The following KCNMA1 variants were observed in gnomAD, a reference collection of about 807,000 sequenced individuals.
The protein encoded by KCNMA1 is Calcium-activated potassium channel subunit alpha-1.
Under a neutral mutation model 140.0 loss-of-function variants are expected in KCNMA1, and 29 were observed. That is an observed-to-expected ratio of 0.21 (90% CI 0.15 to 0.28). The LOEUF (loss-of-function observed/expected upper bound fraction) is 0.28. Ranked by LOEUF, KCNMA1 falls within the 10% of genes least tolerant of loss-of-function variation. The pLI, the probability that KCNMA1 is intolerant of heterozygous loss-of-function variation, is 1.00. For missense variants in KCNMA1, 880 were observed against 1,602.2 expected, an observed-to-expected ratio of 0.55 and a Z score of 7.70; for synonymous variants, 612 against 611.9, an observed-to-expected ratio of 1.00 and a Z score of 0.00.
chr10:77,104,779 G>C (rs905174680), intron 9 of KCNMA1, among the ~76,000 whole-genome samples: 1 of 152,196 alleles, frequency 6.6e-6, no homozygotes, highest in Non-Finnish European at 1.5e-5. Context: ...GGAGTGGAAT[G>C]AATCACACTC....
At chr10:77,516,163 C>T (rs899049048) in intron 1 of KCNMA1, among the ~76,000 whole-genome samples, 1 of 152,068 alleles carries the variant, frequency 6.6e-6, no homozygotes, top group Non-Finnish European at 1.5e-5. Context: ...TTTAAGAAAT[C>T]CCCATCATGT....
intron 1 of KCNMA1, among the ~76,000 whole-genome samples, chr10:77,415,371 C>T (rs2096717938): frequency 6.6e-6 from 1 of 152,202 alleles, no homozygotes. Context: ...GTAGAGTCCT[C>T]AGCCAGGATG....
intron 17 of KCNMA1, 57 bp from the exon 18 acceptor site, chr10:77,012,100 G>A (rs527379761): frequency 8.7e-6 from 14 of 1,611,366 alleles, no homozygotes; most frequent in African/African-American, 6.7e-5. Context: ...AATGAAATGA[G>A]TACCACATTT....
intron 3 of KCNMA1, among the ~76,000 whole-genome samples, chr10:77,239,818 C>T (rs1437350919): frequency 6.6e-6 from 1 of 152,178 alleles, no homozygotes; most frequent in East Asian, 1.9e-4. Context: ...GAAGGGACGA[C>T]ACCGTAAGAA....
chr10:76,969,872 G>T, intron 20 of KCNMA1, 102 bp downstream of exon 20: 1 of 881,988 alleles, frequency 1.1e-6, no homozygotes, highest in Admixed American at 1.8e-5. Flanking sequence ...CCCCGGGCTT[G>T]CTGGGGAGGG....
rs76745716 is a variant in KCNMA1, at chr10:77,110,373, G to C, written c.961-30C>G. ...AGCAAATGGGACAGGGGAGAAAAAA[G>C]AAAAACATGCTATTGAAGTGTATAC... On this transcript the variant is annotated intron_variant, in intron 7 of 27. Coordinates refer to ENST00000286628, the MANE Select transcript of KCNMA1 (RefSeq NM_001161352.2). 8.0e-4 allele frequency: 1,275 copies of C among 1,590,508 alleles called. 15 individuals carry two copies. The African/African-American group carries it at 0.016, about 20-fold the overall frequency.
intron 3 of KCNMA1, among the ~76,000 whole-genome samples, chr10:77,228,639 A>G (rs1030080079): frequency 4.6e-5 from 7 of 152,230 alleles, no homozygotes; most frequent in African/African-American, 1.4e-4. Flanking sequence ...ACAAATATCA[A>G]TTTGAAGGCA....
chr10:76,932,850 A>C (rs920656065), intron 23 of KCNMA1, among the ~76,000 whole-genome samples: 3 of 152,198 alleles, frequency 2.0e-5, no homozygotes, highest in African/African-American at 7.2e-5. Flanking sequence ...ATGGCCAGGG[A>C]AGCTCTCAGG....
rs371192247 is a variant in KCNMA1, at chr10:77,504,431, C to A, written c.379-100408G>T. 2.4e-4 allele frequency among the ~76,000 whole-genome samples: 36 copies of A among 152,172 alleles called. No homozygotes were observed. In the South Asian group the frequency reaches 7.5e-3, roughly 32 times the overall value. On this transcript the variant is annotated intron_variant, in intron 1 of 27. Coordinates refer to ENST00000286628, the MANE Select transcript of KCNMA1 (RefSeq NM_001161352.2). ...GGGAACCGAGCAACCGAGAGGGGTG[C>A]CAGACTAGCCCAGATCCTTGCAAAC...
chr10:77,316,858 G>A (rs534171071), intron 2 of KCNMA1, among the ~76,000 whole-genome samples: 79 of 152,274 alleles, frequency 5.2e-4, no homozygotes, highest in African/African-American at 1.8e-3. Flanking sequence ...CCACATAAAG[G>A]AAAGTAGGGA....
At chr10:77,219,216 G>A (rs1027763939) in intron 3 of KCNMA1, among the ~76,000 whole-genome samples, 1 of 152,164 alleles carries the variant, frequency 6.6e-6, no homozygotes, top group African/African-American at 2.4e-5. Context: ...AAGGAATGTT[G>A]TTTTTGTTGT....
intron 20 of KCNMA1, among the ~76,000 whole-genome samples, chr10:76,957,730 A>T (rs2153027522): frequency 6.6e-6 from 1 of 152,310 alleles, no homozygotes; most frequent in African/African-American, 2.4e-5. Flanking sequence ...GAGAGCCCTG[A>T]GTAGGTAAAG....
intron 21 of KCNMA1, among the ~76,000 whole-genome samples, chr10:76,951,782 A>C (rs2152969828): frequency 6.6e-6 from 1 of 152,206 alleles, no homozygotes; most frequent in Admixed American, 6.5e-5. Flanking sequence ...CATCCTATAA[A>C]TATCTGAAAT....
chr10:77,139,070 C>T (rs2154017599), intron 5 of KCNMA1, among the ~76,000 whole-genome samples: 1 of 152,272 alleles, frequency 6.6e-6, no homozygotes, highest in Non-Finnish European at 1.5e-5. Flanking sequence ...CCAAGTGCAC[C>T]CTCTTCTAGA....
At chr10:77,380,259 T>C (rs1427978613) in intron 2 of KCNMA1, among the ~76,000 whole-genome samples, 3 of 152,180 alleles carry the variant, frequency 2.0e-5, no homozygotes, top group Non-Finnish European at 4.4e-5. Context: ...AATTTCTGCT[T>C]GACTGCTACA....
chr10:77,030,808 A>G (rs1320417757), intron 15 of KCNMA1, among the ~76,000 whole-genome samples: 1 of 152,218 alleles, frequency 6.6e-6, no homozygotes, highest in Non-Finnish European at 1.5e-5. Context: ...TTTTAAATCC[A>G]TAACTTCAAA....
intron 1 of KCNMA1, among the ~76,000 whole-genome samples, chr10:77,523,322 T>C (rs1329066216): frequency 1.3e-5 from 2 of 151,694 alleles, no homozygotes; most frequent in African/African-American, 4.8e-5. Context: ...TTTTTAAAAA[T>C]ATGTATAGTA....
chr10:77,232,886 ATTT>A (rs33988327), intron 3 of KCNMA1, among the ~76,000 whole-genome samples: 12,787 of 132,708 alleles, frequency 0.096, 723 homozygotes, highest in Admixed American at 0.23. Context: ...TCCCAGCACC[ATTT>A]TTTTTTTTTT....
intron 1 of KCNMA1, among the ~76,000 whole-genome samples, chr10:77,495,024 A>G (rs540393305): frequency 2.2e-4 from 34 of 152,318 alleles, no homozygotes; most frequent in Non-Finnish European, 4.4e-4. Context: ...TAATGATCTC[A>G]TCTTAACTTG....
Sources: allele counts gnomAD v4.1 joint callset (sites outside exome capture counted in the v4.1 genomes callset), GRCh38; gene constraint gnomAD v4.1.1; transcripts MANE v1.5; gene names NCBI Gene and HGNC (gene_info 2026-07-23, HGNC 2026-07-21).